The following EXTL3 variants were observed in gnomAD, a reference collection of about 807,000 sequenced individuals.
The protein encoded by EXTL3 is exostosin like glycosyltransferase 3.
Under a neutral mutation model 69.3 loss-of-function variants are expected in EXTL3, and 27 were observed. The ratio of observed to expected loss-of-function variants is 0.39; its 90% CI spans 0.29 to 0.54. EXTL3 has a LOEUF of 0.54. EXTL3 is among the 20% of genes least tolerant of loss of function. EXTL3 has a pLI of 0.69. For missense variants in EXTL3, 1,003 were observed against 1,231.8 expected, an observed-to-expected ratio of 0.81 and a Z score of 2.78; for synonymous variants, 511 against 499.4, an observed-to-expected ratio of 1.02 and a Z score of -0.31.
intron 2 of EXTL3, 127 bp downstream of exon 2, chr8:28,713,677 TAAAC>T: frequency 1.6e-6 from 1 of 625,758 alleles, no homozygotes; most frequent in Non-Finnish European, 2.8e-6. Context: ...GCAAGAGATT[TAAAC>T]ATTTGAATCA....
intron 6 of EXTL3, among the ~76,000 whole-genome samples, chr8:28,746,810 G>A (rs942923163): frequency 2.6e-5 from 4 of 152,156 alleles, no homozygotes; most frequent in Middle Eastern, 3.4e-3. Context: ...TGAGTAGCTG[G>A]GACTATAGGC....
At chr8:28,714,112 G>T (rs1801091742) in intron 2 of EXTL3, among the ~76,000 whole-genome samples, 1 of 151,810 alleles carries the variant, frequency 6.6e-6, no homozygotes, top group African/African-American at 2.4e-5. Context: ...TGCCATGTTG[G>T]CCAGGCTGGT....
chr8:28,629,837 A>G (rs931288616), intron 1 of EXTL3, among the ~76,000 whole-genome samples: 2 of 152,164 alleles, frequency 1.3e-5, no homozygotes, highest in Admixed American at 1.3e-4. Context: ...TCCCAGTGAT[A>G]CATGCAGCAG....
chr8:28,611,169 A>G (rs371294042), intron 2 of EXTL3, among the ~76,000 whole-genome samples: 8 of 152,150 alleles, frequency 5.3e-5, no homozygotes, highest in African/African-American at 1.7e-4. Context: ...GATTATTAGG[A>G]TGGGTGCAGT....
At chr8:28,665,118 C>G (rs2130629998) in intron 1 of EXTL3, among the ~76,000 whole-genome samples, 1 of 123,142 alleles carries the variant, frequency 8.1e-6, no homozygotes, top group Non-Finnish European at 1.6e-5. Flanking sequence ...ATCGCCCAGA[C>G]TGGGGTGCGA....
intron 2 of EXTL3, chr8:28,607,796 G>A (rs909451312): frequency 2.4e-4 from 36 of 152,240 alleles, no homozygotes; most frequent in African/African-American, 8.0e-4. Flanking sequence ...AGAGCATTGG[G>A]AACACAAGTT....
Position 28,751,112 on chromosome 8 carries a change from G to A in EXTL3, c.*246G>A. 1.8e-6 allele frequency: 1 copy of A among 544,386 alleles called. No individual in the cohort carries two copies. Among genetic ancestry groups the A allele is most frequent in the South Asian group, 2.2e-5 (1 of 46,274 alleles). 33.7% of individuals were successfully genotyped at this position (544,386 alleles called of 1,614,324 possible). On this transcript the variant is annotated 3_prime_UTR_variant, in exon 7 of 7. Coordinates refer to ENST00000220562, the MANE Select transcript of EXTL3 (RefSeq NM_001440.4). The stretch of plus-strand genomic sequence containing the variant: ...GGCACTGACTGATAGCTTACACTGA[G>A]GACTGTGGCGACTCTGCAGAGTCAC...
At chr8:28,725,292 G>A (rs1177346541) in intron 3 of EXTL3, among the ~76,000 whole-genome samples, 2 of 152,084 alleles carry the variant, frequency 1.3e-5, no homozygotes, top group Non-Finnish European at 2.9e-5. Context: ...CAAGGGTCCC[G>A]TGAATGATAT....
At chr8:28,632,054 C>T (rs1197474135) in intron 1 of EXTL3, among the ~76,000 whole-genome samples, 1 of 151,600 alleles carries the variant, frequency 6.6e-6, no homozygotes, top group Non-Finnish European at 1.5e-5. Flanking sequence ...AGCCACTGCG[C>T]TGCACTCCGG....
At chr8:28,677,685 A>G (rs1807410075) in intron 1 of EXTL3, among the ~76,000 whole-genome samples, 1 of 152,200 alleles carries the variant, frequency 6.6e-6, no homozygotes, top group Admixed American at 6.5e-5. Context: ...GTATAGCCTC[A>G]GAGCCCTCTG....
Position 28,713,535 on chromosome 8 carries a change from G to A in EXTL3, c.-491G>A. 1.4e-6 allele frequency: 1 copy of A among 702,282 alleles called. No homozygotes were observed. Among genetic ancestry groups the A allele is most frequent in the Non-Finnish European group, 2.6e-6 (1 of 384,896 alleles). The allele number at this position is 702,282 out of a possible 1,614,324, so 43.5% of individuals were successfully genotyped here. Reference sequence around the variant, plus strand: ...TGCTACACAAGTCAGAGGAAGGAAGGGTCCTGAAACACATGGTGAGGAAGG... The same window carrying A: ...TGCTACACAAGTCAGAGGAAGGAAGAGTCCTGAAACACATGGTGAGGAAGG... On this transcript the variant is annotated 5_prime_UTR_variant, in exon 2 of 7. Coordinates refer to ENST00000220562, the MANE Select transcript of EXTL3 (RefSeq NM_001440.4).
At chr8:28,662,849 G>T (rs1807137792) in intron 1 of EXTL3, among the ~76,000 whole-genome samples, 1 of 152,194 alleles carries the variant, frequency 6.6e-6, no homozygotes, top group East Asian at 1.9e-4. Flanking sequence ...GGTCCAGGCT[G>T]CAGTGAGCTG....
intron 3 of EXTL3, among the ~76,000 whole-genome samples, chr8:28,727,402 G>A (rs1246223677): frequency 6.6e-6 from 1 of 152,110 alleles, no homozygotes; most frequent in African/African-American, 2.4e-5. Context: ...TGAAATCTAG[G>A]CCAAAACACT....
At chr8:28,632,573 G>C (rs1345317848) in intron 1 of EXTL3, among the ~76,000 whole-genome samples, 1 of 64,908 alleles carries the variant, frequency 1.5e-5, no homozygotes, top group Non-Finnish European at 3.0e-5. Context: ...TTTTTTTTTT[G>C]AGAGGAGTCT....
chr8:28,675,116 G>C (rs1051146543), intron 1 of EXTL3, among the ~76,000 whole-genome samples: 3 of 152,162 alleles, frequency 2.0e-5, no homozygotes, highest in Non-Finnish European at 2.9e-5. Flanking sequence ...TGGATACTAT[G>C]AGTGTGGGAT....
chr8:28,690,948 GC>G (rs1035971384), intron 1 of EXTL3, among the ~76,000 whole-genome samples: 4 of 152,128 alleles, frequency 2.6e-5, no homozygotes, highest in African/African-American at 9.7e-5. Flanking sequence ...GAGGCTGGCT[GC>G]CATGGGAGTC....
chr8:28,674,902 C>T (rs998868689), intron 1 of EXTL3, among the ~76,000 whole-genome samples: 11 of 152,090 alleles, frequency 7.2e-5, no homozygotes, highest in African/African-American at 2.7e-4. Context: ...ATAGTAATGG[C>T]CTCCCCTGAG....
At chr8:28,640,371 TAACA>T (rs1806723377) in intron 1 of EXTL3, among the ~76,000 whole-genome samples, 1 of 152,178 alleles carries the variant, frequency 6.6e-6, no homozygotes, top group African/African-American at 2.4e-5. Flanking sequence ...GGTTCCCCCT[TAACA>T]AACGGTAAAG....
rs150548351 is a variant in EXTL3, at chr8:28,715,959, C to A, written c.-101C>A. The A allele has an allele frequency of 1.2e-3, 1,138 of 967,880 alleles. 1 individual carries two copies. The highest frequency in any genetic ancestry group is 3.3e-3 in the Admixed American group (158 of 47,934). The allele number at this position is 967,880 out of a possible 1,614,324, so 60.0% of individuals were successfully genotyped here. On this transcript the variant is annotated 5_prime_UTR_variant, in exon 3 of 7. The change creates a new upstream start codon in the 5' untranslated region. Transcript: ENST00000220562. ...TTGTCTGGGGAGCACACTAACTCTTCTGGAAACGTGTCAGTGAAACAGAGA... is the reference window on the plus strand; with the variant it reads ...TTGTCTGGGGAGCACACTAACTCTTATGGAAACGTGTCAGTGAAACAGAGA...
Sources: allele counts gnomAD v4.1 joint callset (sites outside exome capture counted in the v4.1 genomes callset), GRCh38; gene constraint gnomAD v4.1.1; transcripts MANE v1.5; gene names NCBI Gene and HGNC (gene_info 2026-07-23, HGNC 2026-07-21).